Variants in HP1BP3 observed in about 807,000 individuals in gnomAD.
HP1BP3 encodes the protein heterochromatin protein 1-binding protein 3.
HP1BP3 carries 12 observed loss-of-function variants against 62.5 expected under a neutral mutation model. The ratio of observed to expected loss-of-function variants is 0.19; its 90% CI spans 0.12 to 0.31. HP1BP3 has a LOEUF of 0.31. Among genes scored for constraint, HP1BP3 ranks in the 10% least tolerant of loss-of-function variants. The pLI is 1.00. For synonymous variants in HP1BP3, 260 were observed against 237.8 expected, an observed-to-expected ratio of 1.09 and a Z score of -0.86; for missense variants, 502 against 651.8, an observed-to-expected ratio of 0.77 and a Z score of 2.50.
At chr1:20,760,282 T>C (rs546352832) in intron 8 of HP1BP3, among the ~76,000 whole-genome samples, 1 of 152,228 alleles carries the variant, frequency 6.6e-6, no homozygotes, top group East Asian at 1.9e-4. Flanking sequence ...CTCACACCTG[T>C]AATCCCAACA....
chr1:20,757,309 A>G, intron 8 of HP1BP3, 53 bp from the exon 9 acceptor site: 1 of 1,014,602 alleles, frequency 9.9e-7, no homozygotes, highest in South Asian at 1.4e-5. Flanking sequence ...TGAAAGAAAA[A>G]TGTAAAGAAA....
At chr1:20,775,872 G>C (rs557664127) in intron 4 of HP1BP3, 1 of 1,277,208 alleles carries the variant, frequency 7.8e-7, no homozygotes, top group Non-Finnish European at 1.1e-6. Flanking sequence ...ATGTTGGCAC[G>C]ATGATGAAAT....
intron 11 of HP1BP3, among the ~76,000 whole-genome samples, chr1:20,747,225 A>C (rs942818829): frequency 6.6e-6 from 1 of 152,290 alleles, no homozygotes; most frequent in African/African-American, 2.4e-5. Flanking sequence ...TGTCCCTTGA[A>C]CAACACAGGT....
At chr1:20,747,192 T>C (rs930205675) in intron 11 of HP1BP3, among the ~76,000 whole-genome samples, 3 of 152,184 alleles carry the variant, frequency 2.0e-5, no homozygotes, top group African/African-American at 4.8e-5. Flanking sequence ...GCCTTAAAAG[T>C]CATCTTTATT....
chr1:20,768,490 G>A (rs1167913545), intron 6 of HP1BP3, among the ~76,000 whole-genome samples: 5 of 152,076 alleles, frequency 3.3e-5, no homozygotes, highest in East Asian at 3.9e-4. Context: ...ACAATGGTAT[G>A]TTAAGTTTTA....
chr1:20,742,293 TTAC>T lies in HP1BP3; in HGVS notation c.*2501_*2503del, dbSNP rs1286231700. Among the ~76,000 whole-genome samples, 1 of 152,342 alleles carries T rather than the reference TTAC, an allele frequency of 6.6e-6. No individual in the cohort carries two copies. Among genetic ancestry groups the T allele is most frequent in the African/African-American group, 2.4e-5 (1 of 41,580 alleles). On this transcript the variant is annotated 3_prime_UTR_variant, in exon 13 of 13. Coordinates refer to ENST00000438032, the MANE Select transcript of HP1BP3 (RefSeq NM_001372052.1). ...TACTTGCTAGAGAGCACAGGAGTAATTACTACAATTACTTCTAGAATTTGATGT... is the reference window on the plus strand; with the variant it reads ...TACTTGCTAGAGAGCACAGGAGTAATTACAATTACTTCTAGAATTTGATGT...
intron 6 of HP1BP3, among the ~76,000 whole-genome samples, chr1:20,768,873 T>C (rs1205731221): frequency 6.6e-6 from 1 of 152,146 alleles, no homozygotes; most frequent in Non-Finnish European, 1.5e-5. Context: ...CACAGCTTAG[T>C]TTTACCTACA....
chr1:20,758,323 G>A (rs2056249190), intron 8 of HP1BP3, among the ~76,000 whole-genome samples: 1 of 151,910 alleles, frequency 6.6e-6, no homozygotes, highest in Non-Finnish European at 1.5e-5. Context: ...CACATACTAA[G>A]AGACTTAAAC....
At chr1:20,745,897 T>A (rs2055289474) in intron 11 of HP1BP3, among the ~76,000 whole-genome samples, 1 of 152,214 alleles carries the variant, frequency 6.6e-6, no homozygotes, top group Non-Finnish European at 1.5e-5. Context: ...ATAAAATTAA[T>A]CCATAGTCAT....
chr1:20,744,826 T>C lies in HP1BP3; in HGVS notation c.1633A>G (p.Met545Val), dbSNP rs1176608167. 9.3e-6 allele frequency: 15 copies of C among 1,611,962 alleles called. No homozygotes were observed. The highest frequency in any genetic ancestry group is 1.3e-5 in the African/African-American group (1 of 74,746). ...VKLPGKGKSTMKKSFRVKK is the reference protein window; with the variant it reads ...VKLPGKGKSTVKKSFRVKK ...TTTTTCACTCTGAAAGACTTCTTCA[T>C]GGTGGATTTGCCCTTGCCCGGCAAT... Residue 545 changes from methionine to valine, a missense_variant, in exon 13 of 13, where the codon ATG (methionine) becomes GTG (valine). Around this residue, in one of 5 missense-constraint regions of HP1BP3, gnomAD observed 194 missense variants for 207.0 expected, o/e 0.94. Transcript: ENST00000438032.
rs141331799 is a variant in HP1BP3 at position 20,745,051 on chromosome 1, C to T, written c.1408G>A (p.Ala470Thr). ...TTGGACCCTCTCTGCTTCACAGATG[C>T]GGCCTTCCCTGGGGACTTGGCTGGG... ...KTPAKSPGKA[A>T]SVKQRGSKPA... Residue 470 changes from alanine to threonine, a missense_variant, in exon 13 of 13, where the codon GCA becomes ACA. Ala to Thr is a moderately conservative substitution (Grantham distance 58). Coordinates refer to ENST00000438032, the MANE Select transcript of HP1BP3 (RefSeq NM_001372052.1). 1.8e-4 allele frequency: 289 copies of T among 1,613,152 alleles called. 1 individual carries two copies. The highest frequency in any genetic ancestry group is 2.3e-4 in the Non-Finnish European group (277 of 1,179,770).
intron 8 of HP1BP3, among the ~76,000 whole-genome samples, chr1:20,764,913 A>C (rs1379353722): frequency 6.6e-6 from 1 of 151,134 alleles, no homozygotes; most frequent in Non-Finnish European, 1.5e-5. Context: ...TCACGCCTGT[A>C]ATCCTAGCAC....
chr1:20,782,595 T>A (rs12137203), intron 1 of HP1BP3, among the ~76,000 whole-genome samples: 61,125 of 144,526 alleles, frequency 0.42, 12,747 homozygotes, highest in African/African-American at 0.44. Context: ...GAAAAAAAAA[T>A]AATAATTTAA....
chr1:20,777,301 TAAAA>T (rs914982448), intron 3 of HP1BP3, among the ~76,000 whole-genome samples: 1 of 150,640 alleles, frequency 6.6e-6, no homozygotes, highest in South Asian at 2.1e-4. Context: ...ATAAAAAAAA[TAAAA>T]AAAACATGAA....
chr1:20,765,249 C>A lies in HP1BP3; in HGVS notation c.890+128G>T. On this transcript the variant is annotated intron_variant, in intron 8 of 12. Transcript: ENST00000438032. ...ACATAATGGGGCAAAAAAATAAAAC[C>A]AATAAAAAAGATTTATTTTTAGCTG... is the stretch of plus-strand genomic sequence containing the variant. 1.4e-5 allele frequency: 7 copies of A among 512,426 alleles called. No homozygotes were observed. The South Asian group carries it at 1.9e-4, about 14-fold the overall frequency. The allele number at this position is 512,426 out of a possible 1,614,324, so 31.7% of individuals were successfully genotyped here. A position where few individuals can be genotyped will look rare whatever the true frequency, so the allele number is the denominator to read the frequency against.
At chr1:20,747,486 C>A in intron 11 of HP1BP3, 58 bp downstream of exon 11, 1 of 1,048,736 alleles carries the variant, frequency 9.5e-7, no homozygotes, top group Non-Finnish European at 1.4e-6. Context: ...ATAAATTAAA[C>A]TGAGTGTGTA....
intron 5 of HP1BP3, among the ~76,000 whole-genome samples, chr1:20,771,553 G>A (rs1243698888): frequency 1.3e-5 from 2 of 152,156 alleles, no homozygotes; most frequent in African/African-American, 4.8e-5. Flanking sequence ...CATAAAAATG[G>A]GTTTACAGAT....
intron 8 of HP1BP3, among the ~76,000 whole-genome samples, chr1:20,759,671 T>A (rs893843956): frequency 1.3e-5 from 2 of 152,000 alleles, no homozygotes; most frequent in African/African-American, 4.8e-5. Flanking sequence ...ACAAGAATAA[T>A]AAAAATAGTC....
At chr1:20,767,854 T>A (rs1416402964) in intron 6 of HP1BP3, among the ~76,000 whole-genome samples, 190 bp from the exon 7 acceptor site, 4 of 152,162 alleles carry the variant, frequency 2.6e-5, no homozygotes, top group South Asian at 4.1e-4. Context: ...TAGCTGATGC[T>A]GAGTAATACT....
Sources: allele counts gnomAD v4.1 joint callset (sites outside exome capture counted in the v4.1 genomes callset), GRCh38; gene constraint gnomAD v4.1.1; regional missense constraint gnomAD v4.1.1; transcripts MANE v1.5; gene names NCBI Gene and HGNC (gene_info 2026-07-23, HGNC 2026-07-21).